Variants in ECRG4 observed in about 807,000 individuals in gnomAD.
ECRG4 encodes augurin.
ECRG4 carries 18 observed loss-of-function variants against 15.8 expected under a neutral mutation model. That is an observed-to-expected ratio of 1.14 (90% CI 0.79 to 1.69). ECRG4 has a LOEUF of 1.69. Among genes scored for constraint, ECRG4 ranks in the 40% most tolerant of loss-of-function variants. ECRG4 has a pLI of 0.00. For synonymous variants in ECRG4, 82 were observed against 73.9 expected, an observed-to-expected ratio of 1.11 and a Z score of -0.56; for missense variants, 200 against 190.9, an observed-to-expected ratio of 1.05 and a Z score of -0.28.
chr2:106,077,450 G>A (rs1573365518), intron 3 of ECRG4, among the ~76,000 whole-genome samples: 2 of 152,130 alleles, frequency 1.3e-5, no homozygotes, highest in Non-Finnish European at 2.9e-5. Context: ...AAGTTGTTAT[G>A]GTATTTGGGC....
chr2:106,077,661 G>A (rs746893251), intron 3 of ECRG4, 104 bp from the exon 4 acceptor site: 13 of 1,061,776 alleles, frequency 1.2e-5, no homozygotes, highest in East Asian at 4.8e-5. Flanking sequence ...GTTGTTAATC[G>A]TTGAAGAAAA....
At chr2:106,069,656 G>T (rs532575707) in intron 1 of ECRG4, among the ~76,000 whole-genome samples, 8 of 152,170 alleles carry the variant, frequency 5.3e-5, no homozygotes, top group South Asian at 2.1e-4. Context: ...ATTTCTCTAG[G>T]TTAAACACCT....
chr2:106,073,768 G>C, intron 2 of ECRG4, 118 bp from the exon 3 acceptor site: 1 of 1,179,280 alleles, frequency 8.5e-7, no homozygotes, highest in Non-Finnish European at 1.2e-6. Context: ...GAATGAAGTT[G>C]AGAGTCAAAA....
intron 3 of ECRG4, among the ~76,000 whole-genome samples, chr2:106,077,021 CA>C (rs1340719684): frequency 2.0e-5 from 3 of 152,158 alleles, no homozygotes; most frequent in South Asian, 2.1e-4. Flanking sequence ...AAAACCTGAC[CA>C]TCATTCTACA....
At chr2:106,070,924 C>T (rs1200381520) in intron 1 of ECRG4, 5 of 471,326 alleles carry the variant, frequency 1.1e-5, no homozygotes, top group Admixed American at 9.4e-5. Flanking sequence ...CGATGTCATG[C>T]AACAGTTAAG....
chr2:106,070,570 C>A (rs1676341358), intron 1 of ECRG4, among the ~76,000 whole-genome samples: 1 of 152,192 alleles, frequency 6.6e-6, no homozygotes, highest in South Asian at 2.1e-4. Context: ...TGGATATATT[C>A]TTCGCCCCAA....
chr2:106,065,163 A>T (rs1161634192), upstream of ECRG4, among the ~76,000 whole-genome samples: 1 of 152,090 alleles, frequency 6.6e-6, no homozygotes, highest in African/African-American at 2.4e-5. Flanking sequence ...CATCCTTAAG[A>T]GCAGCTCTGA....
At chr2:106,070,489 A>G (rs974280405) in intron 1 of ECRG4, among the ~76,000 whole-genome samples, 3 of 152,110 alleles carry the variant, frequency 2.0e-5, no homozygotes, top group African/African-American at 7.2e-5. Context: ...TCAAATTCAA[A>G]ATTTGTAGAC....
chr2:106,066,988 T>G (rs1161251965), intron 1 of ECRG4, among the ~76,000 whole-genome samples: 1 of 144,812 alleles, frequency 6.9e-6, no homozygotes, highest in Non-Finnish European at 1.5e-5. Context: ...CTCTTTGTTC[T>G]TGCCACTTTA....
intron 1 of ECRG4, among the ~76,000 whole-genome samples, chr2:106,067,309 TAAATAAAAGA>T (rs1434344053): frequency 3.3e-5 from 5 of 150,540 alleles, no homozygotes; most frequent in African/African-American, 9.9e-5. Flanking sequence ...AAAAAAGAAA[TAAATAAAAGA>T]AGAAGAAGAA....
At chr2:106,077,577 C>G (rs1676512349) in intron 3 of ECRG4, among the ~76,000 whole-genome samples, 188 bp from the exon 4 acceptor site, 1 of 152,164 alleles carries the variant, frequency 6.6e-6, no homozygotes, top group Admixed American at 6.5e-5. Context: ...GAAAAGATAG[C>G]TTTTATCAGA....
Position 106,065,708 on chromosome 2 carries a change from TCTCC to T in ECRG4, c.-53_-50del. The T allele has an allele frequency of 2.9e-6, 4 of 1,356,090 alleles. No individual in the cohort carries two copies. Among genetic ancestry groups the T allele is most frequent in the Non-Finnish European group, 3.9e-6 (4 of 1,029,662 alleles). The allele number at this position is 1,356,090 out of a possible 1,614,324, so 84.0% of individuals were successfully genotyped here. On this transcript the variant is annotated 5_prime_UTR_variant, in exon 1 of 4. Coordinates refer to ENST00000238044, the MANE Select transcript of ECRG4 (RefSeq NM_032411.3). ...CTCGCACCCCTCTCCCGCGCCCGGTTCTCCCTCGCAGCACCTCGAAGTGCGCCCC... is the reference window on the plus strand; with the variant it reads ...CTCGCACCCCTCTCCCGCGCCCGGTTCTCGCAGCACCTCGAAGTGCGCCCC...
upstream of ECRG4, chr2:106,065,655 A>G (rs1001492617): frequency 5.5e-5 from 43 of 782,090 alleles, no homozygotes; most frequent in Non-Finnish European, 7.8e-5. Context: ...GCAGCGACGC[A>G]GGGATAACCC....
Position 106,077,946 on chromosome 2 carries a change from G to A in ECRG4, c.*20G>A. On this transcript the variant is annotated 3_prime_UTR_variant, in exon 4 of 4. Transcript: ENST00000238044. ...TACTAACCATGACTTGCCACACGCTGTACAAGAAGCAAATAGCGATTCTCT... is the reference window on the plus strand; with the variant it reads ...TACTAACCATGACTTGCCACACGCTATACAAGAAGCAAATAGCGATTCTCT... The A allele has an allele frequency of 1.2e-6, 2 of 1,608,832 alleles. No homozygotes were observed. The highest frequency in any genetic ancestry group is 1.7e-6 in the Non-Finnish European group (2 of 1,177,454).
upstream of ECRG4, chr2:106,064,300 T>C (rs1676156616): frequency 6.6e-6 from 1 of 152,256 alleles, no homozygotes. Flanking sequence ...AGAAGACTTC[T>C]TTCTCCTTCC....
intron 2 of ECRG4, among the ~76,000 whole-genome samples, chr2:106,073,290 C>T (rs1455996804): frequency 2.0e-5 from 3 of 152,160 alleles, no homozygotes; most frequent in Admixed American, 6.5e-5. Flanking sequence ...GGGTCAGTAT[C>T]CTGCATCAAT....
Position 106,065,863 on chromosome 2 carries a change from G to A in ECRG4, c.79+20G>A. On this transcript the variant is annotated intron_variant, in intron 1 of 3. Transcript: ENST00000238044. ...GCCCAGGTGAGCGGGGCGATGCCAG[G>A]CTGATTGATAGCGGCACCAGGGGTT... 6.8e-7 allele frequency: 1 copy of A among 1,464,898 alleles called. No homozygotes were observed. Among genetic ancestry groups the A allele is most frequent in the Non-Finnish European group, 9.0e-7 (1 of 1,116,790 alleles). The allele number at this position is 1,464,898 out of a possible 1,614,324, so 90.7% of individuals were successfully genotyped here. A position where few individuals can be genotyped will look rare whatever the true frequency, so the allele number is the denominator to read the frequency against.
chr2:106,068,971 G>A lies in ECRG4; in HGVS notation c.80-2873G>A, dbSNP rs1023632916. 2.0e-5 allele frequency among the ~76,000 whole-genome samples: 3 copies of A among 152,102 alleles called. 1 individual carries two copies. The South Asian group carries it at 6.2e-4, about 32-fold the overall frequency. On this transcript the variant is annotated intron_variant, in intron 1 of 3. Coordinates refer to ENST00000238044, the MANE Select transcript of ECRG4 (RefSeq NM_032411.3). Reference sequence around the variant, plus strand: ...AACTCTTAATCTCAAACCCCCCAAGGCCATTTGTCCCATCTTGGGTGGCTG... The same window carrying A: ...AACTCTTAATCTCAAACCCCCCAAGACCATTTGTCCCATCTTGGGTGGCTG...
chr2:106,071,969 G>A (rs1476888412), intron 2 of ECRG4, 78 bp downstream of exon 2: 2 of 1,267,058 alleles, frequency 1.6e-6, no homozygotes, highest in Admixed American at 1.8e-5. Context: ...TGTGCTCACT[G>A]GAGTCTTGTA....
Sources: gnomAD v4.1 joint callset for allele counts (sites outside exome capture counted in the v4.1 genomes callset) on GRCh38, gnomAD v4.1.1 for gene constraint, MANE v1.5 for transcripts, NCBI Gene and HGNC (gene_info 2026-07-23, HGNC 2026-07-21) for gene names.